Variants in PFDN1 observed in about 807,000 individuals in gnomAD.
PFDN1 encodes prefoldin 1.
A neutral mutation model predicts 17.3 loss-of-function variants in PFDN1; 6 were observed. That is an observed-to-expected ratio of 0.35 (90% CI 0.19 to 0.69). PFDN1 has a LOEUF of 0.69. Among genes scored for constraint, PFDN1 ranks in the 30% least tolerant of loss-of-function variants. The pLI, the probability that PFDN1 is intolerant of heterozygous loss-of-function variation, is 0.65. For missense variants in PFDN1, 113 were observed against 146.2 expected (o/e 0.77, Z 1.17); for synonymous variants, 58 against 50.1 (o/e 1.16, Z -0.67).
chr5:140,266,720 C>T (rs985125609), intron 3 of PFDN1, among the ~76,000 whole-genome samples: 10 of 152,248 alleles, frequency 6.6e-5, no homozygotes, highest in African/African-American at 2.4e-4. Context: ...AAAATTTGCT[C>T]CTAGTTTTCA....
At chr5:140,282,014 T>A (rs1414223127) in intron 2 of PFDN1, 1 of 152,026 alleles carries the variant, frequency 6.6e-6, no homozygotes, top group African/African-American at 2.4e-5. Flanking sequence ...GAGACCCATC[T>A]CTACAAAAAA....
chr5:140,261,714 G>C (rs1277998124), intron 3 of PFDN1, among the ~76,000 whole-genome samples: 3 of 152,116 alleles, frequency 2.0e-5, no homozygotes, highest in Admixed American at 2.0e-4. Flanking sequence ...CTAAGGAAGA[G>C]AAAAGGAAAT....
chr5:140,273,747 C>A (rs373361659), intron 3 of PFDN1: 2 of 195,744 alleles, frequency 1.0e-5, no homozygotes, highest in African/African-American at 2.4e-5. Context: ...GCGCTAAGCA[C>A]GCCAGACTGT....
chr5:140,293,274 A>G (rs1022038406), intron 2 of PFDN1: 1 of 151,886 alleles, frequency 6.6e-6, no homozygotes, highest in African/African-American at 2.4e-5. Context: ...GCTACTTTTC[A>G]TACAACAAAG....
In PFDN1 at chr5:140,288,035, T is replaced by C. The variant is rs563650181; in HGVS notation, c.201-6502A>G. Among the ~76,000 whole-genome samples the C allele has an allele frequency of 6.6e-5, 10 of 152,342 alleles. No individual in the cohort carries two copies. In the South Asian group the frequency reaches 2.1e-3, roughly 32 times the overall value. Reference sequence around the variant, plus strand: ...TTTGGAAGACAGTTTGGCAGCTTCTTACAAAGCTTAACAGATGATCAATCA... The same window carrying C: ...TTTGGAAGACAGTTTGGCAGCTTCTCACAAAGCTTAACAGATGATCAATCA... On this transcript the variant is annotated intron_variant, in intron 2 of 3. Coordinates refer to ENST00000261813, the MANE Select transcript of PFDN1 (RefSeq NM_002622.5).
chr5:140,277,970 A>T (rs1188695898), intron 3 of PFDN1, among the ~76,000 whole-genome samples: 1 of 152,102 alleles, frequency 6.6e-6, no homozygotes, highest in African/African-American at 2.4e-5. Flanking sequence ...GCACTTTGGG[A>T]GGCTGAGGTG....
chr5:140,261,745 A>G (rs1765068514), intron 3 of PFDN1, among the ~76,000 whole-genome samples: 1 of 152,190 alleles, frequency 6.6e-6, no homozygotes, highest in African/African-American at 2.4e-5. Flanking sequence ...ACCTGTCAAT[A>G]TCACCCAAGA....
chr5:140,302,495 G>A (rs1452135405), intron 1 of PFDN1, among the ~76,000 whole-genome samples: 1 of 152,070 alleles, frequency 6.6e-6, no homozygotes. Context: ...TTTGTTTGAC[G>A]AGTCCTTCAA....
chr5:140,287,751 C>A (rs1765519161), intron 2 of PFDN1, among the ~76,000 whole-genome samples: 1 of 152,152 alleles, frequency 6.6e-6, no homozygotes. Context: ...AATAAGAAAA[C>A]AAACGACCAT....
intron 3 of PFDN1, among the ~76,000 whole-genome samples, chr5:140,261,181 A>G (rs1213941129): frequency 2.1e-5 from 3 of 142,698 alleles, no homozygotes; most frequent in Non-Finnish European, 4.5e-5. Flanking sequence ...AAAAAAAAAA[A>G]GAAAGGATAT....
In PFDN1 at chr5:140,283,501, G is replaced by A. The variant is rs190792289; in HGVS notation, c.201-1968C>T. On this transcript the variant is annotated intron_variant, in intron 2 of 3. Transcript: ENST00000261813. ...GCCCGCCTCGGCCTCCCAAAGTGCT[G>A]GGATTACAGGCATGAGCCACCACGC... 6.4e-3 allele frequency among the ~76,000 whole-genome samples: 981 copies of A among 152,298 alleles called. 5 individuals are homozygous for A. Among genetic ancestry groups the A allele is most frequent in the Non-Finnish European group, 8.3e-3 (565 of 68,026 alleles).
chr5:140,270,751 C>T (rs1765194644), intron 3 of PFDN1, among the ~76,000 whole-genome samples: 1 of 152,108 alleles, frequency 6.6e-6, no homozygotes, highest in Admixed American at 6.5e-5. Context: ...TGGTGAAACC[C>T]TGTCTCTTCT....
At chr5:140,268,273 A>G (rs1459901852) in intron 3 of PFDN1, among the ~76,000 whole-genome samples, 1 of 152,212 alleles carries the variant, frequency 6.6e-6, no homozygotes, top group African/African-American at 2.4e-5. Context: ...AAGCCCTATG[A>G]AAATGGTGTA....
At chr5:140,250,125 T>C (rs73793728) in intron 3 of PFDN1, among the ~76,000 whole-genome samples, 4,245 of 152,180 alleles carry the variant, frequency 0.028, 202 homozygotes, top group African/African-American at 0.097. Context: ...AACACCATCA[T>C]CTCAGGAGTT....
chr5:140,297,492 C>G (rs1765672188), intron 2 of PFDN1, among the ~76,000 whole-genome samples: 1 of 152,208 alleles, frequency 6.6e-6, no homozygotes, highest in Non-Finnish European at 1.5e-5. Flanking sequence ...CATGCCCCTA[C>G]AATACAGGGT....
chr5:140,295,140 A>G (rs904633687), intron 2 of PFDN1, among the ~76,000 whole-genome samples: 4 of 152,104 alleles, frequency 2.6e-5, no homozygotes, highest in Non-Finnish European at 5.9e-5. Flanking sequence ...GGGTGTTCAA[A>G]TAATAGATCT....
intron 3 of PFDN1, among the ~76,000 whole-genome samples, chr5:140,256,311 C>T (rs1196062113): frequency 6.6e-6 from 1 of 151,892 alleles, no homozygotes; most frequent in Non-Finnish European, 1.5e-5. Context: ...ACCCAGGAGG[C>T]AGATGTTGCA....
chr5:140,289,190 G>A (rs1422958166), intron 2 of PFDN1, among the ~76,000 whole-genome samples: 1 of 151,894 alleles, frequency 6.6e-6, no homozygotes, highest in South Asian at 2.1e-4. Flanking sequence ...GGGAGGCTGA[G>A]GTAGAGAACT....
intron 3 of PFDN1, among the ~76,000 whole-genome samples, chr5:140,264,013 T>G: frequency 1.7e-5 from 1 of 60,288 alleles, no homozygotes; most frequent in Non-Finnish European, 3.1e-5. Flanking sequence ...AGAGTGAGAC[T>G]CCATCTCAAA....
Sources: gnomAD v4.1 joint callset for allele counts (sites outside exome capture counted in the v4.1 genomes callset) on GRCh38, gnomAD v4.1.1 for gene constraint, MANE v1.5 for transcripts, NCBI Gene and HGNC (gene_info 2026-07-23, HGNC 2026-07-21) for gene names.